NRXN3: variants seen among roughly 807,000 people sequenced by gnomAD.
The protein encoded by NRXN3 is neurexin 3.
A neutral mutation model predicts 137.6 loss-of-function variants in NRXN3; 32 were observed. That is an observed-to-expected ratio of 0.23 (90% CI 0.18 to 0.31). The LOEUF is 0.31. Ranked by LOEUF, NRXN3 falls within the 10% of genes least tolerant of loss-of-function variation. The pLI, the probability that NRXN3 is intolerant of heterozygous loss-of-function variation, is 1.00. For missense variants in NRXN3, 1,574 were observed against 2,062.5 expected (o/e 0.76, Z 4.59); for synonymous variants, 798 against 784.5 (o/e 1.02, Z -0.29).
chr14:79,142,356 G>T (rs538765073), intron 15 of NRXN3, among the ~76,000 whole-genome samples: 1 of 151,826 alleles, frequency 6.6e-6, no homozygotes, highest in Non-Finnish European at 1.5e-5. Context: ...AACCCGGGAG[G>T]CAGACGTTGC....
chr14:78,437,023 A>T (rs1226993107), intron 4 of NRXN3, among the ~76,000 whole-genome samples: 1 of 152,214 alleles, frequency 6.6e-6, no homozygotes, highest in Non-Finnish European at 1.5e-5. Flanking sequence ...CAAGTTGCTT[A>T]TCCTTTCTAT....
intron 16 of NRXN3, among the ~76,000 whole-genome samples, chr14:79,561,467 T>C (rs1014522262): frequency 1.3e-5 from 2 of 152,214 alleles, no homozygotes; most frequent in Admixed American, 1.3e-4. Context: ...GGTATACTGA[T>C]GTTTCCTCAT....
At chr14:79,723,659 A>T (rs1445123731) in intron 19 of NRXN3, among the ~76,000 whole-genome samples, 1 of 152,148 alleles carries the variant, frequency 6.6e-6, no homozygotes, top group Non-Finnish European at 1.5e-5. Context: ...ACCTAAAAGG[A>T]TACACCCCAG....
At chr14:79,200,498 A>G (rs912975491) in intron 15 of NRXN3, among the ~76,000 whole-genome samples, 1 of 152,182 alleles carries the variant, frequency 6.6e-6, no homozygotes, top group Non-Finnish European at 1.5e-5. Flanking sequence ...CAGCTGCGTC[A>G]TCTGGAGATG....
intron 4 of NRXN3, among the ~76,000 whole-genome samples, chr14:78,368,738 G>C (rs892180459): frequency 6.6e-5 from 10 of 152,120 alleles, no homozygotes; most frequent in African/African-American, 2.2e-4. Flanking sequence ...AAAATTCCAT[G>C]GGTGTGGCCA....
intron 8 of NRXN3, among the ~76,000 whole-genome samples, chr14:78,749,895 T>C (rs1156762570): frequency 6.6e-6 from 1 of 152,248 alleles, no homozygotes; most frequent in Non-Finnish European, 1.5e-5. Context: ...AGAATTATCT[T>C]GTCCTGTCTC....
intron 15 of NRXN3, among the ~76,000 whole-genome samples, chr14:79,108,391 A>G (rs2052849449): frequency 6.6e-6 from 1 of 152,164 alleles, no homozygotes; most frequent in Non-Finnish European, 1.5e-5. Context: ...GTTTTGGCAC[A>G]CACACAAAAA....
chr14:79,232,994 T>C (rs2072536155), intron 15 of NRXN3, among the ~76,000 whole-genome samples: 1 of 152,198 alleles, frequency 6.6e-6, no homozygotes, highest in African/African-American at 2.4e-5. Flanking sequence ...GAGATAGTGA[T>C]TCATTAAATA....
chr14:79,604,547 T>TA (rs397947690), intron 16 of NRXN3, among the ~76,000 whole-genome samples: 4 of 151,614 alleles, frequency 2.6e-5, no homozygotes, highest in Admixed American at 2.0e-4. Context: ...TTTTTTTTTT[T>TA]AATCCTTCTA....
chr14:78,297,015 G>T (rs1435705945), intron 3 of NRXN3, among the ~76,000 whole-genome samples: 4 of 152,144 alleles, frequency 2.6e-5, no homozygotes, highest in African/African-American at 9.7e-5. Flanking sequence ...CCTGAACCAA[G>T]GAGCTCTTAA....
intron 16 of NRXN3, among the ~76,000 whole-genome samples, chr14:79,477,395 T>C (rs2096569571): frequency 6.6e-6 from 1 of 152,160 alleles, no homozygotes; most frequent in Admixed American, 6.5e-5. Flanking sequence ...GGATGAATTA[T>C]TTGACTACTC....
At chr14:78,864,359 A>G (rs1032854264) in intron 10 of NRXN3, among the ~76,000 whole-genome samples, 3 of 152,146 alleles carry the variant, frequency 2.0e-5, no homozygotes, top group Non-Finnish European at 2.9e-5. Flanking sequence ...TAAATTTGCA[A>G]ATTGAGAATA....
chr14:79,138,316 G>C lies in NRXN3; in HGVS notation c.3262+150175G>C, dbSNP rs2058453307. 3.3e-5 allele frequency among the ~76,000 whole-genome samples: 5 copies of C among 152,110 alleles called. No individual in the cohort carries two copies. The South Asian group carries it at 1.0e-3, about 32-fold the overall frequency. ...CCACAGGCATGTGCCACCATGCCTGGCTAATGCCTTTTAAGTTTGGTATGG... is the reference window on the plus strand; with the variant it reads ...CCACAGGCATGTGCCACCATGCCTGCCTAATGCCTTTTAAGTTTGGTATGG... On this transcript the variant is annotated intron_variant, in intron 15 of 20. Transcript: ENST00000335750.
chr14:78,373,581 G>C (rs1309831751), intron 4 of NRXN3, among the ~76,000 whole-genome samples: 3 of 152,318 alleles, frequency 2.0e-5, no homozygotes, highest in Admixed American at 2.0e-4. Flanking sequence ...GTGGCTGTGG[G>C]TGTCTCCTGG....
intron 4 of NRXN3, among the ~76,000 whole-genome samples, chr14:78,437,293 T>G (rs2094101010): frequency 6.6e-6 from 1 of 152,126 alleles, no homozygotes; most frequent in Non-Finnish European, 1.5e-5. Context: ...GATTTCAAAG[T>G]TCAGGTTCTT....
At chr14:79,774,337 G>A (rs1365765409) in intron 19 of NRXN3, among the ~76,000 whole-genome samples, 6 of 152,114 alleles carry the variant, frequency 3.9e-5, no homozygotes, top group Non-Finnish European at 8.8e-5. Flanking sequence ...AATAGAAAGA[G>A]CAAGTCAATG....
chr14:79,786,619 G>A (rs965210226), intron 19 of NRXN3, among the ~76,000 whole-genome samples: 2 of 152,186 alleles, frequency 1.3e-5, no homozygotes, highest in African/African-American at 4.8e-5. Flanking sequence ...GTGTGTTAAT[G>A]TGTGCTGTGC....
chr14:78,577,328 T>G (rs1056842679), intron 4 of NRXN3, among the ~76,000 whole-genome samples: 9 of 152,242 alleles, frequency 5.9e-5, no homozygotes, highest in Admixed American at 1.3e-4. Context: ...AATCTCATTT[T>G]TATACAATAT....
chr14:79,057,051 A>G (rs567893177), intron 15 of NRXN3, among the ~76,000 whole-genome samples: 13 of 152,358 alleles, frequency 8.5e-5, no homozygotes, highest in Middle Eastern at 6.8e-3. Flanking sequence ...TGTGAGTAAG[A>G]CTGAAATTTT....
Sources: allele counts gnomAD v4.1 joint callset (sites outside exome capture counted in the v4.1 genomes callset), GRCh38; gene constraint gnomAD v4.1.1; transcripts MANE v1.5; gene names NCBI Gene and HGNC (gene_info 2026-07-23, HGNC 2026-07-21).